The following KIAA1217 variants were observed in gnomAD, a reference collection of about 807,000 sequenced individuals.
KIAA1217 encodes sickle tail protein homolog.
In KIAA1217, 88 loss-of-function variants were observed where a neutral mutation model predicts 163.9. That is an observed-to-expected ratio of 0.54 (90% confidence interval 0.45 to 0.64). The LOEUF (loss-of-function observed/expected upper bound fraction) is 0.64. KIAA1217 is among the 30% of genes least tolerant of loss of function. The pLI, the probability that KIAA1217 is intolerant of heterozygous loss-of-function variation, is 0.00. For synonymous variants in KIAA1217, 903 were observed against 923.1 expected (o/e 0.98, Z 0.39); for missense variants, 2,372 against 2,475.0 (o/e 0.96, Z 0.88).
At chr10:24,169,600 T>A (rs2065524718) in intron 2 of KIAA1217, among the ~76,000 whole-genome samples, 1 of 152,122 alleles carries the variant, frequency 6.6e-6, no homozygotes, top group African/African-American at 2.4e-5. Context: ...GAAGTGTAGA[T>A]CTGGAAAAGA....
At chr10:24,463,288 C>A (rs754297612) in intron 5 of KIAA1217, among the ~76,000 whole-genome samples, 2 of 152,188 alleles carry the variant, frequency 1.3e-5, no homozygotes, top group Non-Finnish European at 2.9e-5. Flanking sequence ...GGACCCAGGA[C>A]TGGTCAGCCA....
chr10:24,416,547 G>A (rs886140490), intron 3 of KIAA1217, among the ~76,000 whole-genome samples: 2 of 152,104 alleles, frequency 1.3e-5, no homozygotes, highest in Non-Finnish European at 1.5e-5. Context: ...TATTTTTAAA[G>A]GTATAAATCA....
At chr10:23,975,921 T>G (rs1041037987) in intron 1 of KIAA1217, among the ~76,000 whole-genome samples, 2 of 152,168 alleles carry the variant, frequency 1.3e-5, no homozygotes, top group Non-Finnish European at 2.9e-5. Flanking sequence ...CCCATTTTCT[T>G]GATGACCTGT....
At chr10:24,439,431 GC>G (rs1344679072) in intron 5 of KIAA1217, among the ~76,000 whole-genome samples, 1 of 152,150 alleles carries the variant, frequency 6.6e-6, no homozygotes, top group Non-Finnish European at 1.5e-5. Flanking sequence ...CTGTCTTGGA[GC>G]TGCAGTTTTG....
At chr10:24,035,811 G>A (rs572728548) in intron 2 of KIAA1217, among the ~76,000 whole-genome samples, 47 of 152,348 alleles carry the variant, frequency 3.1e-4, no homozygotes, top group Admixed American at 9.1e-4. Flanking sequence ...CCAAAAAAGC[G>A]AAGTTGGCTA....
At chr10:24,125,654 C>A (rs1436285302) in intron 2 of KIAA1217, among the ~76,000 whole-genome samples, 1 of 151,954 alleles carries the variant, frequency 6.6e-6, no homozygotes, top group Non-Finnish European at 1.5e-5. Context: ...ACCATAGGAC[C>A]CCAGCAGCTA....
At chr10:23,952,038 C>G (rs1274821691) in intron 1 of KIAA1217, among the ~76,000 whole-genome samples, 1 of 152,174 alleles carries the variant, frequency 6.6e-6, no homozygotes, top group African/African-American at 2.4e-5. Context: ...CACCCGCCTT[C>G]CCGAAAGGCT....
intron 2 of KIAA1217, among the ~76,000 whole-genome samples, chr10:24,283,404 C>G (rs450039): frequency 1.3e-5 from 2 of 151,976 alleles, no homozygotes; most frequent in Non-Finnish European, 2.9e-5. Context: ...TGGTGGCTTA[C>G]GCCTGTAATC....
At chr10:24,256,538 T>TG (rs1431194905) in intron 2 of KIAA1217, among the ~76,000 whole-genome samples, 1 of 151,652 alleles carries the variant, frequency 6.6e-6, no homozygotes, top group Non-Finnish European at 1.5e-5. Flanking sequence ...AAAGAAACCT[T>TG]GGGAAAAAAA....
intron 2 of KIAA1217, chr10:24,367,267 C>A: frequency 1.9e-6 from 1 of 525,126 alleles, no homozygotes; most frequent in Non-Finnish European, 2.4e-6. Context: ...CCCTCACCTG[C>A]AAGTGCCATT....
chr10:23,837,400 A>G (rs2131056774), intron 1 of KIAA1217, among the ~76,000 whole-genome samples: 1 of 152,286 alleles, frequency 6.6e-6, no homozygotes, highest in African/African-American at 2.4e-5. Flanking sequence ...TGGTTCATTC[A>G]AGACCTTAGT....
chr10:23,722,416 T>G (rs1270997363), intron 1 of KIAA1217, among the ~76,000 whole-genome samples: 1 of 151,992 alleles, frequency 6.6e-6, no homozygotes, highest in Non-Finnish European at 1.5e-5. Context: ...AAAATAGATA[T>G]GAAAAGAATG....
intron 2 of KIAA1217, among the ~76,000 whole-genome samples, chr10:24,311,148 G>A (rs1287596888): frequency 1.3e-5 from 2 of 152,218 alleles, no homozygotes; most frequent in East Asian, 3.8e-4. Context: ...CCAGGCCGTA[G>A]GAGGTGATCT....
intron 2 of KIAA1217, among the ~76,000 whole-genome samples, chr10:24,011,458 G>T (rs1279561734): frequency 6.6e-6 from 1 of 152,096 alleles, no homozygotes; most frequent in Non-Finnish European, 1.5e-5. Flanking sequence ...CTGCATTCCA[G>T]CCTGGGTGAC....
intron 1 of KIAA1217, among the ~76,000 whole-genome samples, chr10:23,970,780 C>G (rs1260183219): frequency 1.3e-5 from 2 of 152,172 alleles, no homozygotes; most frequent in Non-Finnish European, 2.9e-5. Flanking sequence ...ACCTAAAACA[C>G]TAGTTCAGGC....
intron 1 of KIAA1217, among the ~76,000 whole-genome samples, chr10:23,920,992 G>C (rs1194747979): frequency 6.6e-6 from 1 of 152,120 alleles, no homozygotes; most frequent in African/African-American, 2.4e-5. Flanking sequence ...TTCCTCCTTT[G>C]CCTTCTGCCA....
At position 24,300,524 on chromosome 10, in the gene KIAA1217, A is replaced by C. The variant is rs549169289; in HGVS notation, c.355-80345A>C. On this transcript the variant is annotated intron_variant, in intron 2 of 20. Transcript: ENST00000376454. The stretch of plus-strand genomic sequence containing the variant: ...AAGCCCCTCTCTCTGCATTTCCTGC[A>C]TGGTTTCCTTACGCTGTTCTGTGCA... Among the ~76,000 whole-genome samples, 128 of 152,194 alleles carry C rather than the reference A, an allele frequency of 8.4e-4. 1 individual carries two copies. Among genetic ancestry groups the C allele is most frequent in the African/African-American group, 3.1e-3 (127 of 41,534 alleles).
intron 2 of KIAA1217, among the ~76,000 whole-genome samples, chr10:24,369,338 A>T (rs2051246707): frequency 1.3e-5 from 2 of 151,850 alleles, no homozygotes; most frequent in Admixed American, 1.3e-4. Flanking sequence ...ATGTATGGGG[A>T]GGGTCTGGCC....
intron 2 of KIAA1217, among the ~76,000 whole-genome samples, chr10:24,104,764 T>C (rs78321547): frequency 0.017 from 2,592 of 152,320 alleles, 68 homozygotes; most frequent in African/African-American, 0.059. Context: ...GGACAAAAAG[T>C]AGACGGTGAC....
Sources: gnomAD v4.1 joint callset for allele counts (sites outside exome capture counted in the v4.1 genomes callset) on GRCh38, gnomAD v4.1.1 for gene constraint, MANE v1.5 for transcripts, NCBI Gene and HGNC (gene_info 2026-07-23, HGNC 2026-07-21) for gene names.